Variants in CIMIP3 observed in about 807,000 individuals in gnomAD.
CIMIP3 encodes GUCA1A neighbor.
the CIMIP3 span, among the ~76,000 whole-genome samples, chr6:42,162,523 C>T: frequency 6.8e-4 from 100 of 147,338 alleles, no homozygotes; most frequent in African/African-American, 2.4e-3. Flanking sequence ...AGGGGCCCCA[C>T]AGGATAGAGA....
chr6:42,156,675 C>T, the CIMIP3 span, among the ~76,000 whole-genome samples: 167 of 152,322 alleles, frequency 1.1e-3, 3 homozygotes, highest in African/African-American at 3.8e-3. Flanking sequence ...TGTGCCTTTA[C>T]CGTTCCCAGC....
chr6:42,162,410 T>TTC, the CIMIP3 span, among the ~76,000 whole-genome samples: 1 of 11,236 alleles, frequency 8.9e-5, no homozygotes, highest in Non-Finnish European at 1.9e-4. Context: ...AGCGAAACTC[T>TTC]TTTTTTTTTT....
the CIMIP3 span, among the ~76,000 whole-genome samples, chr6:42,158,843 A>G: frequency 6.6e-6 from 1 of 152,100 alleles, no homozygotes; most frequent in Non-Finnish European, 1.5e-5. Context: ...GCCATTCTAA[A>G]AGCACCTGCC....
At chr6:42,159,509 T>G in the CIMIP3 span, among the ~76,000 whole-genome samples, 1 of 152,012 alleles carries the variant, frequency 6.6e-6, no homozygotes, top group East Asian at 1.9e-4. Flanking sequence ...TCCCAGTGTG[T>G]TGTTCTGTCC....
At chr6:42,161,288 C>T in the CIMIP3 span, among the ~76,000 whole-genome samples, 4 of 152,214 alleles carry the variant, frequency 2.6e-5, no homozygotes, top group Non-Finnish European at 5.9e-5. Flanking sequence ...TCCACTAACC[C>T]TGTACCTAGG....
the CIMIP3 span, among the ~76,000 whole-genome samples, chr6:42,161,877 A>T: frequency 6.6e-6 from 1 of 152,140 alleles, no homozygotes; most frequent in Admixed American, 6.6e-5. Flanking sequence ...GGGTAAGAGT[A>T]TGAGATAGTT....
At chr6:42,162,411 T>TC in the CIMIP3 span, among the ~76,000 whole-genome samples, 162 of 113,972 alleles carry the variant, frequency 1.4e-3, no homozygotes, top group Middle Eastern at 9.4e-3. Flanking sequence ...GCGAAACTCT[T>TC]TTTTTTTTTT....
the CIMIP3 span, among the ~76,000 whole-genome samples, chr6:42,157,162 A>G: frequency 0.48 from 73,385 of 152,104 alleles, 18,998 homozygotes; most frequent in Non-Finnish European, 0.58. Context: ...ATATATGTAC[A>G]TATTAATACA....
At chr6:42,162,209 T>A in the CIMIP3 span, among the ~76,000 whole-genome samples, 4 of 144,650 alleles carry the variant, frequency 2.8e-5, no homozygotes, top group African/African-American at 7.8e-5. Context: ...AGGTCAGGAG[T>A]TTGAGACCAG....
At chr6:42,162,351 G>C in the CIMIP3 span, among the ~76,000 whole-genome samples, 9 of 151,498 alleles carry the variant, frequency 5.9e-5, no homozygotes, top group African/African-American at 2.2e-4. Context: ...GGAGGCGGAG[G>C]TTGCAGTGAG....
At chr6:42,162,955 A>G in the CIMIP3 span, 11 of 695,114 alleles carry the variant, frequency 1.6e-5, no homozygotes, top group Non-Finnish European at 3.0e-5. Context: ...GTCATGGGCC[A>G]AAGACACCGT....
chr6:42,160,189 A>G, the CIMIP3 span, among the ~76,000 whole-genome samples: 2 of 151,496 alleles, frequency 1.3e-5, no homozygotes, highest in African/African-American at 2.4e-5. Context: ...AGGTCTCCCC[A>G]TGTTGCCCAG....
chr6:42,158,291 A>G, the CIMIP3 span, among the ~76,000 whole-genome samples: 3 of 152,078 alleles, frequency 2.0e-5, no homozygotes, highest in Admixed American at 6.5e-5. Flanking sequence ...GAGGTTAGTC[A>G]CTTGGAGGCT....
chr6:42,157,209 G>A, the CIMIP3 span, among the ~76,000 whole-genome samples: 14 of 152,226 alleles, frequency 9.2e-5, no homozygotes, highest in African/African-American at 2.4e-4. Context: ...TGTGGGGTCC[G>A]CCTGTGGGGA....
At chr6:42,162,830 T>C in the CIMIP3 span, 3 of 570,142 alleles carry the variant, frequency 5.3e-6, no homozygotes, top group Non-Finnish European at 9.7e-6. Flanking sequence ...TTCTGAGCAG[T>C]GGCTCTTTCT....
chr6:42,162,878 G>C, the CIMIP3 span: 2 of 599,386 alleles, frequency 3.3e-6, no homozygotes, highest in African/African-American at 3.8e-5. Flanking sequence ...TGAAGTCCCA[G>C]TATCCAATGC....
chr6:42,163,206 G>C, the CIMIP3 span: 1 of 593,132 alleles, frequency 1.7e-6, no homozygotes, highest in Non-Finnish European at 3.1e-6. Flanking sequence ...ACCCGCAAGC[G>C]CTTTGATGTG....
At chr6:42,159,658 C>A in the CIMIP3 span, among the ~76,000 whole-genome samples, 1 of 152,208 alleles carries the variant, frequency 6.6e-6, no homozygotes, top group Non-Finnish European at 1.5e-5. Flanking sequence ...CACCTGCCAC[C>A]CAGCACACCT....
chr6:42,163,000 G>T, the CIMIP3 span: 4 of 716,314 alleles, frequency 5.6e-6, no homozygotes, highest in Non-Finnish European at 1.0e-5. Flanking sequence ...ACTCGTCCCG[G>T]CCCCGGGCGT....
Sources: gnomAD v4.1 joint callset for allele counts (sites outside exome capture counted in the v4.1 genomes callset) on GRCh38, gnomAD v4.1.1 for gene constraint, MANE v1.5 for transcripts, NCBI Gene and HGNC (gene_info 2026-07-23, HGNC 2026-07-21) for gene names.